Variants in RHBDF2 observed in about 807,000 individuals in gnomAD.
RHBDF2 encodes rhomboid 5 homolog 2, also known as inactive rhomboid protein 2.
RHBDF2 carries 38 observed loss-of-function variants against 95.2 expected under a neutral mutation model. That is an observed-to-expected ratio of 0.40 (90% confidence interval 0.31 to 0.52). The LOEUF (loss-of-function observed/expected upper bound fraction) is 0.52, where lower values mean the gene tolerates loss of function less well. Ranked by LOEUF, RHBDF2 falls within the 20% of genes least tolerant of loss-of-function variation. RHBDF2 has a pLI of 0.56. For missense variants in RHBDF2, 863 were observed against 1,137.7 expected, an observed-to-expected ratio of 0.76 and a Z score of 3.47; for synonymous variants, 442 against 462.0, an observed-to-expected ratio of 0.96 and a Z score of 0.55.
intron 1 of RHBDF2, among the ~76,000 whole-genome samples, chr17:76,494,701 G>C (rs1036887389): frequency 1.3e-5 from 2 of 152,190 alleles, no homozygotes; most frequent in Non-Finnish European, 2.9e-5. Context: ...GAAGTGAGCC[G>C]AGATCACGCC....
At chr17:76,473,401 C>T in intron 15 of RHBDF2, 74 bp from the exon 16 acceptor site, 1 of 1,356,482 alleles carries the variant, frequency 7.4e-7, no homozygotes, top group East Asian at 2.5e-5. Flanking sequence ...CAGAGCCCAG[C>T]ACCTGGCTAC....
chr17:76,479,516 C>T (rs746870766), intron 4 of RHBDF2: 18 of 757,556 alleles, frequency 2.4e-5, no homozygotes, highest in Admixed American at 8.0e-5. Context: ...CCCAGCTCCT[C>T]GAAGCCCCCC....
At chr17:76,500,685 T>C (rs1007890111) in intron 1 of RHBDF2, among the ~76,000 whole-genome samples, 4 of 151,832 alleles carry the variant, frequency 2.6e-5, no homozygotes, top group Non-Finnish European at 5.9e-5. Context: ...TGGGGCGGGG[T>C]CTGTACCCTA....
intron 3 of RHBDF2, among the ~76,000 whole-genome samples, chr17:76,480,129 C>A (rs1043806523): frequency 8.9e-6 from 1 of 111,844 alleles, no homozygotes; most frequent in Non-Finnish European, 1.6e-5. Context: ...ATTGTCCAGG[C>A]TGGAGTGCAG....
At chr17:76,477,921 G>C (rs1294040496) in intron 6 of RHBDF2, 136 bp from the exon 7 acceptor site, 11 of 1,360,648 alleles carry the variant, frequency 8.1e-6, no homozygotes, top group Non-Finnish European at 1.1e-5. Flanking sequence ...CCAAAGCGTG[G>C]AGATTCTGCA....
At position 76,471,722 on chromosome 17, in the gene RHBDF2, T is replaced by TG; in HGVS notation, c.2394dup (p.Ile799HisfsTer2). On this transcript the variant is annotated frameshift_variant, in exon 19 of 19. Coordinates refer to ENST00000675367, the MANE Select transcript of RHBDF2 (RefSeq NM_001005498.4). LOFTEE classifies it high-confidence loss of function. The stretch of plus-strand genomic sequence containing the variant: ...AGGTGCTCGATCCAGGGCCAGTTAA[T>TG]GGGGTAGATGTACAGCCACAGCACG... 3 of 1,611,086 alleles carry TG rather than the reference T, an allele frequency of 1.9e-6. No individual in the cohort carries two copies. The highest frequency in any genetic ancestry group is 2.5e-6 in the Non-Finnish European group (3 of 1,178,826).
rs761728100 is a variant in RHBDF2, at chr17:76,479,721, A to AG, written c.272+11dup. 5.0e-6 allele frequency: 8 copies of AG among 1,598,942 alleles called. No homozygotes were observed. The highest frequency in any genetic ancestry group is 4.5e-5 in the East Asian group (2 of 44,800). On this transcript the variant is annotated intron_variant, in intron 4 of 18. Coordinates refer to ENST00000675367, the MANE Select transcript of RHBDF2 (RefSeq NM_001005498.4). ...GGTGGGGGGTGCTGGGCTTGGGTGT[A>AG]GGGGGGCTCACTTGCGGATGCTCTG...
chr17:76,490,125 C>G (rs1325928676), intron 1 of RHBDF2, among the ~76,000 whole-genome samples: 3 of 152,226 alleles, frequency 2.0e-5, no homozygotes, highest in Admixed American at 2.0e-4. Flanking sequence ...GAGCAATGTT[C>G]CTTGACCCCC....
In RHBDF2 at chr17:76,471,666, G is replaced by A. The variant is rs886053470; in HGVS notation, c.2451C>T (p.Cys817=). Residue 817 remains cysteine, a synonymous_variant, in exon 19 of 19, where the codon TGC becomes TGT. Transcript: ENST00000675367. ...LTCFPFTSRF[C]EKYELDQVLH is the part of the protein sequence containing the mutation. Reference sequence around the variant, plus strand: ...GCACCTGGTCCAGCTCATACTTCTCGCAGAAGCGGCTGGTGAAGGGGAAGC... The same window carrying A: ...GCACCTGGTCCAGCTCATACTTCTCACAGAAGCGGCTGGTGAAGGGGAAGC... 7 of 1,609,030 alleles carry A rather than the reference G, an allele frequency of 4.4e-6. No individual in the cohort carries two copies. Among genetic ancestry groups the A allele is most frequent in the Admixed American group, 1.7e-5 (1 of 59,658 alleles).
rs1472220975 is a variant in RHBDF2 at position 76,479,775 on chromosome 17, G to C, written c.230C>G (p.Pro77Arg). ...SRWQESSEKR[P>R]GFRRQASLSQ... ...CAGTGAGGCCTGGCGGCGGAAGCCA[G>C]GGCGCTTCTCTGAACTCTCCTGCCA... Residue 77 changes from proline to arginine, a missense_variant, in exon 4 of 19, where the codon CCT becomes CGT. Physicochemically the swap from Pro to Arg is moderately radical, Grantham distance 103. This residue lies in a region of RHBDF2 where 611 missense variants were observed against 725.5 expected (regional missense o/e 0.84). Transcript: ENST00000675367. The C allele has an allele frequency of 6.2e-7, 1 of 1,613,028 alleles. No individual in the cohort carries two copies. The highest frequency in any genetic ancestry group is 1.7e-5 in the Admixed American group (1 of 59,960).
intron 1 of RHBDF2, among the ~76,000 whole-genome samples, chr17:76,488,581 G>A (rs1263591036): frequency 2.0e-5 from 3 of 152,164 alleles, no homozygotes; most frequent in Admixed American, 2.0e-4. Flanking sequence ...AGGCCAAGGT[G>A]GGGGAATCAT....
intron 6 of RHBDF2, among the ~76,000 whole-genome samples, chr17:76,478,153 C>T (rs572630015): frequency 2.6e-4 from 40 of 152,314 alleles, no homozygotes; most frequent in African/African-American, 9.1e-4. Flanking sequence ...TTTCTTGGCA[C>T]GGAATACCAG....
At chr17:76,501,030 A>G (rs2074565947) in intron 1 of RHBDF2, 1 of 152,246 alleles carries the variant, frequency 6.6e-6, no homozygotes, top group African/African-American at 2.4e-5. Context: ...CTTCCTCCGG[A>G]GGTTTAAATC....
At chr17:76,473,489 G>A (rs769288619) in intron 15 of RHBDF2, among the ~76,000 whole-genome samples, 159 bp downstream of exon 15, 23 of 152,258 alleles carry the variant, frequency 1.5e-4, no homozygotes, top group Non-Finnish European at 2.8e-4. Context: ...CCTCCAGCTC[G>A]CACCATGGGT....
chr17:76,474,905 C>T, intron 10 of RHBDF2, 101 bp from the exon 11 acceptor site: 4 of 1,535,504 alleles, frequency 2.6e-6, no homozygotes, highest in Non-Finnish European at 2.7e-6. Context: ...CAGGAAGGGG[C>T]CAGGCTATGG....
At position 76,477,199 on chromosome 17, in the gene RHBDF2, C is replaced by T. The variant is rs373960817; in HGVS notation, c.901G>A (p.Asp301Asn). Residue 301 changes from aspartate (D) to asparagine (N), a missense_variant, in exon 8 of 19, where the codon GAT becomes AAT. Physicochemically the swap from Asp to Asn is conservative, Grantham distance 23. Transcript: ENST00000675367. ...ACTCACAGAGGGATTTGCACCCCAT[C>T]GGGGGAGACAGGGGAGGCTGAGTGT... ...IPHSASPVSP[D>N]GVQIPLKEYG... 3.5e-5 allele frequency: 57 copies of T among 1,610,880 alleles called. No individual in the cohort carries two copies. Among genetic ancestry groups the T allele is most frequent in the Non-Finnish European group, 4.5e-5 (53 of 1,179,032 alleles).
At chr17:76,494,376 G>A (rs1221173961) in intron 1 of RHBDF2, among the ~76,000 whole-genome samples, 1 of 152,216 alleles carries the variant, frequency 6.6e-6, no homozygotes, top group Non-Finnish European at 1.5e-5. Context: ...GGAGGTGGCA[G>A]TGCAGCCAGG....
At chr17:76,480,740 T>C (rs1487141345) in intron 3 of RHBDF2, among the ~76,000 whole-genome samples, 1 of 152,190 alleles carries the variant, frequency 6.6e-6, no homozygotes, top group Admixed American at 6.5e-5. Context: ...AAGGCCAGCG[T>C]GTGTTTTCCT....
At chr17:76,501,194 T>C (rs564569567) in intron 1 of RHBDF2, 159 bp downstream of exon 1, 1 of 152,230 alleles carries the variant, frequency 6.6e-6, no homozygotes, top group African/African-American at 2.4e-5. Flanking sequence ...CGAGCCCACG[T>C]GGGACCCAGG....
Sources: gnomAD v4.1 joint callset for allele counts (sites outside exome capture counted in the v4.1 genomes callset) on GRCh38, gnomAD v4.1.1 for gene constraint, gnomAD v4.1.1 regional missense constraint, MANE v1.5 for transcripts, NCBI Gene and HGNC (gene_info 2026-07-23, HGNC 2026-07-21) for gene names.